CD44: variants seen among roughly 807,000 people sequenced by gnomAD.
CD44 encodes CD44 molecule (IN blood group), also known as CD44 antigen.
CD44 carries 49 observed loss-of-function variants against 88.8 expected under a neutral mutation model. That is an observed-to-expected ratio of 0.55 (90% CI 0.44 to 0.70). CD44 has a LOEUF of 0.70. Ranked by LOEUF, CD44 falls within the 30% of genes least tolerant of loss-of-function variation. The pLI is 0.00. For synonymous variants in CD44, 325 were observed against 312.3 expected (o/e 1.04, Z -0.43); for missense variants, 883 against 913.8 (o/e 0.97, Z 0.43).
chr11:35,170,848 C>T (rs903465284), intron 1 of CD44, among the ~76,000 whole-genome samples: 10 of 152,310 alleles, frequency 6.6e-5, no homozygotes, highest in African/African-American at 2.4e-4. Flanking sequence ...TTGCCAGAGA[C>T]ACTGGCACTC....
chr11:35,190,284 A>G, intron 5 of CD44: 2 of 581,020 alleles, frequency 3.4e-6, no homozygotes, highest in South Asian at 4.3e-5. Context: ...TGTTTTTCTT[A>G]CCTTAGCATA....
At chr11:35,140,195 G>A (rs780561008) in intron 1 of CD44, among the ~76,000 whole-genome samples, 14 of 152,356 alleles carry the variant, frequency 9.2e-5, no homozygotes, top group East Asian at 7.7e-4. Context: ...GGACCCTGGA[G>A]CTAGGGCTCC....
chr11:35,201,751 C>T lies in CD44; in HGVS notation c.1117C>T (p.His373Tyr). Residue 373 changes from histidine (H) to tyrosine (Y), a missense_variant, in exon 9 of 18, where the codon CAT becomes TAT. By Grantham distance (83) the His-to-Tyr change is moderately conservative. Coordinates refer to ENST00000428726, the MANE Select transcript of CD44 (RefSeq NM_000610.4). ...CCCTCCCCTCATTCACCATGAGCAT[C>T]ATGAGGAAGAAGAGACCCCACATTC... ...AHPPLIHHEH[H>Y]EEEETPHSTS... 5.0e-6 allele frequency: 8 copies of T among 1,613,708 alleles called. No homozygotes were observed. Among genetic ancestry groups the T allele is most frequent in the Non-Finnish European group, 6.8e-6 (8 of 1,179,680 alleles).
At chr11:35,173,499 A>T (rs185883420) in intron 1 of CD44, among the ~76,000 whole-genome samples, 1 of 152,328 alleles carries the variant, frequency 6.6e-6, no homozygotes, top group East Asian at 1.9e-4. Flanking sequence ...ATTAGGCTTG[A>T]AAAAGAGTGA....
In CD44 at chr11:35,186,877, C is replaced by A; in HGVS notation, c.413C>A (p.Ala138Asp). The A allele has an allele frequency of 6.2e-7, 1 of 1,604,664 alleles. No individual in the cohort carries two copies. The highest frequency in any genetic ancestry group is 8.5e-7 in the Non-Finnish European group (1 of 1,171,398). The change falls in exon 4 of 18, where the codon GCC (alanine) becomes GAC (aspartate). Residue 138 changes from alanine (A) to aspartate (D), a missense_variant. Around this residue, in one of 2 missense-constraint regions of CD44, gnomAD observed 252 missense variants for 322.9 expected, o/e 0.78. Coordinates refer to ENST00000428726, the MANE Select transcript of CD44 (RefSeq NM_000610.4). ...ACATCAGTCACAGACCTGCCCAATGCCTTTGATGGACCAATTACCATAAGT... is the reference window on the plus strand; with the variant it reads ...ACATCAGTCACAGACCTGCCCAATGACTTTGATGGACCAATTACCATAAGT... ...DCTSVTDLPN[A>D]FDGPITITIV...
chr11:35,196,181 T>G (rs1452359767), intron 5 of CD44, among the ~76,000 whole-genome samples: 2 of 152,192 alleles, frequency 1.3e-5, no homozygotes, highest in Non-Finnish European at 2.9e-5. Flanking sequence ...AATAATTTAA[T>G]CTCTTACACA....
At chr11:35,165,897 C>G (rs911450922) in intron 1 of CD44, among the ~76,000 whole-genome samples, 1 of 152,170 alleles carries the variant, frequency 6.6e-6, no homozygotes, top group Non-Finnish European at 1.5e-5. Flanking sequence ...CTATGAGTAA[C>G]AGTTTCTCAT....
In CD44 at chr11:35,219,352, C is replaced by G. The variant is rs1422958942; in HGVS notation, c.1910C>G (p.Thr637Arg). The G allele has an allele frequency of 1.9e-6, 3 of 1,613,760 alleles. No homozygotes were observed. Among genetic ancestry groups the G allele is most frequent in the Non-Finnish European group, 2.5e-6 (3 of 1,179,886 alleles). Residue 637 changes from threonine (T) to arginine (R), a missense_variant, in exon 16 of 18, where the codon ACA (threonine) becomes AGA (arginine). Thr to Arg is a moderately conservative substitution (Grantham distance 71). Coordinates refer to ENST00000428726, the MANE Select transcript of CD44 (RefSeq NM_000610.4). The stretch of plus-strand genomic sequence containing the variant: ...GGGAGTCAAGAAGGTGGAGCAAACA[C>G]AACCTCTGGTCCTATAAGGACACCC... ...SHGSQEGGAN[T>R]TSGPIRTPQI...
intron 11 of CD44, among the ~76,000 whole-genome samples, chr11:35,206,648 G>A (rs1947870580): frequency 7.8e-6 from 1 of 127,396 alleles, no homozygotes; most frequent in East Asian, 2.5e-4. Context: ...TCAGAGAAAG[G>A]AAGTGGGTGG....
intron 15 of CD44, among the ~76,000 whole-genome samples, chr11:35,218,495 ATT>A (rs1690373544): frequency 6.6e-6 from 1 of 152,064 alleles, no homozygotes; most frequent in Admixed American, 6.6e-5. Flanking sequence ...TGCCTGGCTA[ATT>A]TTTGTATTTT....
chr11:35,166,590 A>G (rs1349325951), intron 1 of CD44, among the ~76,000 whole-genome samples: 3 of 152,220 alleles, frequency 2.0e-5, no homozygotes, highest in African/African-American at 7.2e-5. Flanking sequence ...CCAATGTGAC[A>G]GGCCCCTCCA....
chr11:35,143,555 G>A (rs1858436232), intron 1 of CD44, among the ~76,000 whole-genome samples: 1 of 152,118 alleles, frequency 6.6e-6, no homozygotes, highest in African/African-American at 2.4e-5. Flanking sequence ...ATCCTCCCAT[G>A]TTAGACTCCA....
chr11:35,221,739 G>A lies in CD44; in HGVS notation c.2024+7G>A, dbSNP rs374931540. The A allele has an allele frequency of 6.8e-6, 11 of 1,612,938 alleles. No individual in the cohort carries two copies. The African/African-American group carries it at 1.2e-4, about 18-fold the overall frequency. ...CAGTCAACAGTCGAAGAAGGTAAGG[G>A]GCTGTCCTGGGGGCTTTCAACTTGG... is the stretch of plus-strand genomic sequence containing the variant. On this transcript the variant is annotated splice_region_variant and intron_variant, in intron 17 of 17. Coordinates refer to ENST00000428726, the MANE Select transcript of CD44 (RefSeq NM_000610.4).
chr11:35,162,643 A>G (rs1159188354), intron 1 of CD44, among the ~76,000 whole-genome samples: 1 of 152,210 alleles, frequency 6.6e-6, no homozygotes, highest in East Asian at 1.9e-4. Flanking sequence ...GCTCAGGAAG[A>G]GGTGTGAATT....
At chr11:35,168,102 G>T (rs1332317382) in intron 1 of CD44, among the ~76,000 whole-genome samples, 1 of 152,170 alleles carries the variant, frequency 6.6e-6, no homozygotes, top group Non-Finnish European at 1.5e-5. Context: ...CTTGGTAAAG[G>T]CCCCTATCTT....
intron 6 of CD44, 34 bp from the exon 7 acceptor site, chr11:35,198,087 C>T (rs748322693): frequency 6.2e-7 from 1 of 1,601,652 alleles, no homozygotes; most frequent in South Asian, 1.1e-5. Context: ...TGCTTGGCGT[C>T]CAGCTCAGCC....
intron 1 of CD44, among the ~76,000 whole-genome samples, chr11:35,153,457 A>G (rs1485570397): frequency 2.0e-5 from 3 of 152,170 alleles, no homozygotes; most frequent in Non-Finnish European, 4.4e-5. Flanking sequence ...TAAGGCCCAC[A>G]GCAACCTGAC....
At chr11:35,198,348 A>G in intron 7 of CD44, 102 bp downstream of exon 7, 1 of 1,083,022 alleles carries the variant, frequency 9.2e-7, no homozygotes, top group Non-Finnish European at 1.3e-6. Context: ...AATGTGAAAA[A>G]TGGGTGAACC....
At chr11:35,186,924 T>G in intron 4 of CD44, 24 bp downstream of exon 4, 1 of 1,456,352 alleles carries the variant, frequency 6.9e-7, no homozygotes, top group Non-Finnish European at 9.7e-7. Flanking sequence ...CTAATCTTAA[T>G]TAAATTTTCC....
Sources: allele counts gnomAD v4.1 joint callset (sites outside exome capture counted in the v4.1 genomes callset), GRCh38; gene constraint gnomAD v4.1.1; regional missense constraint gnomAD v4.1.1; transcripts MANE v1.5; gene names NCBI Gene and HGNC (gene_info 2026-07-23, HGNC 2026-07-21).